MYCBP2: variants seen among roughly 807,000 people sequenced by gnomAD.
MYCBP2 encodes the protein E3 ubiquitin-protein ligase MYCBP2.
Under a neutral mutation model 525.3 loss-of-function variants are expected in MYCBP2, and 120 were observed. The observed-to-expected ratio is 0.23, with a 90% CI of 0.20 to 0.27. MYCBP2 has a LOEUF of 0.27. Among genes scored for constraint, MYCBP2 ranks in the 10% least tolerant of loss-of-function variants. MYCBP2 has a pLI of 1.00. For missense variants in MYCBP2, 4,149 were observed against 5,657.1 expected, an observed-to-expected ratio of 0.73 and a Z score of 8.55; for synonymous variants, 1,894 against 1,955.8, an observed-to-expected ratio of 0.97 and a Z score of 0.83.
chr13:77,326,816 G>A lies in MYCBP2; in HGVS notation c.-41C>T, dbSNP rs1193653405. ...CGCCGCCGCCGCCTCGTCCCCGCGG[G>A]CCGGGCGGGCAGACACGCGCGCGCA... On this transcript the variant is annotated 5_prime_UTR_variant, in exon 1 of 83. Coordinates refer to ENST00000544440, the MANE Select transcript of MYCBP2 (RefSeq NM_015057.5). This position sits in a 1 kb window ranked among gnomAD's most constrained non-coding sequence, Gnocchi z 4.2. The A allele has an allele frequency of 1.4e-6, 2 of 1,387,444 alleles. No individual in the cohort carries two copies. The highest frequency in any genetic ancestry group is 1.5e-5 in the African/African-American group (1 of 64,992). 85.9% of individuals were successfully genotyped at this position (1,387,444 alleles called of 1,614,324 possible). A position where few individuals can be genotyped will look rare whatever the true frequency, so the allele number is the denominator to read the frequency against.
At chr13:77,226,914 C>T (rs1009245827) in intron 18 of MYCBP2, among the ~76,000 whole-genome samples, 2 of 152,152 alleles carry the variant, frequency 1.3e-5, no homozygotes, top group Non-Finnish European at 2.9e-5. Context: ...TTGTTACCTT[C>T]AAGCAGTACA....
At chr13:77,056,118 G>GTA (rs1329083724) in intron 79 of MYCBP2, among the ~76,000 whole-genome samples, 2 of 142,528 alleles carry the variant, frequency 1.4e-5, no homozygotes, top group Non-Finnish European at 3.1e-5. Flanking sequence ...GTGTGTGTGT[G>GTA]TGTGTGTGTG....
At position 77,189,174 on chromosome 13, in the gene MYCBP2, C is replaced by T. The variant is rs561134552; in HGVS notation, c.4155-127G>A. On this transcript the variant is annotated intron_variant, in intron 29 of 82. Coordinates refer to ENST00000544440, the MANE Select transcript of MYCBP2 (RefSeq NM_015057.5). The stretch of plus-strand genomic sequence containing the variant: ...ATTTAAATTTTTTTGCCAGGTAATG[C>T]CAATACAGGGCTTTTTTGAAACATT... 2.1e-5 allele frequency: 12 copies of T among 569,472 alleles called. No homozygotes were observed. The South Asian group carries it at 4.3e-4, about 20-fold the overall frequency. The allele number at this position is 569,472 out of a possible 1,614,324, so 35.3% of individuals were successfully genotyped here.
chr13:77,304,264 A>T (rs917701838), intron 1 of MYCBP2, among the ~76,000 whole-genome samples: 1 of 152,166 alleles, frequency 6.6e-6, no homozygotes, highest in African/African-American at 2.4e-5. Context: ...AGAAAATGTG[A>T]TATATATACA....
chr13:77,308,610 C>T (rs1456233374), intron 1 of MYCBP2, among the ~76,000 whole-genome samples: 2 of 152,188 alleles, frequency 1.3e-5, no homozygotes, highest in Non-Finnish European at 2.9e-5. Context: ...ATGCCAAATT[C>T]AAATGTCTAC....
At chr13:77,265,068 A>T (rs1393805735) in intron 8 of MYCBP2, among the ~76,000 whole-genome samples, 1 of 152,086 alleles carries the variant, frequency 6.6e-6, no homozygotes, top group Non-Finnish European at 1.5e-5. Context: ...TTTGCCCAGG[A>T]GCTTCATACT....
intron 55 of MYCBP2, among the ~76,000 whole-genome samples, chr13:77,120,901 A>G (rs1197808035): frequency 2.0e-5 from 3 of 152,176 alleles, no homozygotes; most frequent in Non-Finnish European, 4.4e-5. Context: ...ATTAACTAAG[A>G]TTACTGGGTT....
At chr13:77,206,264 A>G (rs1344866370) in intron 24 of MYCBP2, among the ~76,000 whole-genome samples, 1 of 151,384 alleles carries the variant, frequency 6.6e-6, no homozygotes, top group Admixed American at 6.6e-5. Flanking sequence ...AAACTGTGTT[A>G]TATAAGAAGA....
At chr13:77,180,462 G>A in intron 33 of MYCBP2, 144 bp from the exon 34 acceptor site, 1 of 661,658 alleles carries the variant, frequency 1.5e-6, no homozygotes, top group African/African-American at 1.8e-5. Flanking sequence ...GGTTATATGT[G>A]GAGCCACTTT....
intron 78 of MYCBP2, 58 bp from the exon 79 acceptor site, chr13:77,057,151 G>C: frequency 8.2e-7 from 1 of 1,226,264 alleles, no homozygotes; most frequent in Non-Finnish European, 1.2e-6. Context: ...ACAGTTGAGT[G>C]ACTGGGAGAT....
chr13:77,214,277 G>T (rs963015540), intron 21 of MYCBP2, among the ~76,000 whole-genome samples: 10 of 152,102 alleles, frequency 6.6e-5, no homozygotes, highest in Non-Finnish European at 1.3e-4. Context: ...AAACTACATA[G>T]GCATTAACCT....
chr13:77,058,540 AAAGTT>A lies in MYCBP2; in HGVS notation c.13141-139_13141-135del. On this transcript the variant is annotated intron_variant, in intron 77 of 82. Coordinates refer to ENST00000544440, the MANE Select transcript of MYCBP2 (RefSeq NM_015057.5). The surrounding 1 kb of genome is among the most constrained non-coding windows in gnomAD (Gnocchi z 4.1). The stretch of plus-strand genomic sequence containing the variant: ...TATGCAGGCCAAGTAACAACAAAGT[AAAGTT>A]ATTTCTAATCTTTGTTTGAATATAA... 3.1e-6 allele frequency: 2 copies of A among 648,032 alleles called. No individual in the cohort carries two copies. Among genetic ancestry groups the A allele is most frequent in the African/African-American group, 1.9e-5 (1 of 52,794 alleles). 40.1% of individuals were successfully genotyped at this position (648,032 alleles called of 1,614,324 possible).
rs112903813 is a variant in MYCBP2 at position 77,081,389 on chromosome 13, A to G, written c.11418+38T>C. The G allele has an allele frequency of 4.1e-4, 636 of 1,556,468 alleles. 5 individuals carry two copies. The highest frequency in any genetic ancestry group is 3.3e-4 in the African/African-American group (24 of 73,518). On this transcript the variant is annotated intron_variant, in intron 65 of 82. Coordinates refer to ENST00000544440, the MANE Select transcript of MYCBP2 (RefSeq NM_015057.5). This position sits in a 1 kb window ranked among gnomAD's most constrained non-coding sequence, Gnocchi z 4.6. ...AAGTGCATGAATACTAAGATCTGAA[A>G]AGAGCTAAAGAGCCGTAAATCACGT...
At chr13:77,204,279 C>G (rs2063017248) in intron 26 of MYCBP2, among the ~76,000 whole-genome samples, 1 of 151,600 alleles carries the variant, frequency 6.6e-6, no homozygotes. Context: ...TTTATGCAGC[C>G]AAAAAACACT....
intron 52 of MYCBP2, among the ~76,000 whole-genome samples, chr13:77,126,773 C>T (rs1022196534): frequency 2.0e-5 from 3 of 152,100 alleles, no homozygotes; most frequent in African/African-American, 7.2e-5. Context: ...GGAAACCAGT[C>T]AACCTCTGGC....
At position 77,147,236 on chromosome 13, in the gene MYCBP2, C is replaced by T. The variant is rs137998662; in HGVS notation, c.7132-1019G>A. 1.1e-3 allele frequency among the ~76,000 whole-genome samples: 163 copies of T among 152,200 alleles called. 1 individual carries two copies. The highest frequency in any genetic ancestry group is 4.7e-4 in the Non-Finnish European group (32 of 67,978). On this transcript the variant is annotated intron_variant, in intron 47 of 82. Transcript: ENST00000544440. ...ATATATACAGGAATGAGAATCACTA[C>T]ACTCAGGGCAGTGGTTACCTCTAAG...
intron 62 of MYCBP2, among the ~76,000 whole-genome samples, chr13:77,086,594 C>G (rs2044324634): frequency 6.6e-6 from 1 of 152,090 alleles, no homozygotes; most frequent in African/African-American, 2.4e-5. Flanking sequence ...CATCATTTTG[C>G]CCTTCATTGC....
chr13:77,122,575 G>A (rs2050922615), intron 54 of MYCBP2, among the ~76,000 whole-genome samples: 1 of 151,262 alleles, frequency 6.6e-6, no homozygotes, highest in South Asian at 2.1e-4. Flanking sequence ...TGTAGTCCCA[G>A]CTACTCAGAG....
At chr13:77,255,509 A>C (rs2072025135) in intron 14 of MYCBP2, among the ~76,000 whole-genome samples, 1 of 151,996 alleles carries the variant, frequency 6.6e-6, no homozygotes, top group African/African-American at 2.4e-5. Flanking sequence ...CAGACTTCTT[A>C]TAAAACATAA....
Sources: gnomAD v4.1 joint callset for allele counts (sites outside exome capture counted in the v4.1 genomes callset) on GRCh38, gnomAD v4.1.1 for gene constraint, Gnocchi (gnomAD v3.1) non-coding constraint, MANE v1.5 for transcripts, NCBI Gene and HGNC (gene_info 2026-07-23, HGNC 2026-07-21) for gene names.